The following METTL24 variants were observed in gnomAD, a reference collection of about 807,000 sequenced individuals.
METTL24 encodes methyltransferase like 24, also known as probable methyltransferase-like protein 24.
A neutral mutation model predicts 32.7 loss-of-function variants in METTL24; 29 were observed. The ratio of observed to expected loss-of-function variants is 0.89; its 90% confidence interval spans 0.66 to 1.21. The LOEUF is 1.21. Ranked by LOEUF, METTL24 falls within the 50% of genes most tolerant of loss-of-function variation. The pLI is 0.00. For synonymous variants in METTL24, 163 were observed against 179.5 expected, an observed-to-expected ratio of 0.91 and a Z score of 0.73; for missense variants, 439 against 468.1, an observed-to-expected ratio of 0.94 and a Z score of 0.57.
At chr6:110,347,172 G>T (rs953070421) in intron 1 of METTL24, among the ~76,000 whole-genome samples, 3 of 152,100 alleles carry the variant, frequency 2.0e-5, no homozygotes, top group Non-Finnish European at 4.4e-5. Flanking sequence ...AGAATTGGTT[G>T]TTAGCTCCCT....
intron 4 of METTL24, among the ~76,000 whole-genome samples, chr6:110,256,168 T>TAC (rs1029505214): frequency 7.2e-5 from 11 of 151,886 alleles, no homozygotes; most frequent in East Asian, 3.9e-4. Context: ...CACATGTGCA[T>TAC]ACACACACAC....
chr6:110,333,513 A>G (rs1772148827), intron 1 of METTL24, among the ~76,000 whole-genome samples: 1 of 152,108 alleles, frequency 6.6e-6, no homozygotes, highest in African/African-American at 2.4e-5. Context: ...GAGTGCAGTG[A>G]CATGATCTCG....
chr6:110,330,207 A>G (rs539311228), intron 1 of METTL24, among the ~76,000 whole-genome samples: 49 of 152,146 alleles, frequency 3.2e-4, no homozygotes, highest in African/African-American at 1.2e-3. Context: ...TCCCACTAAG[A>G]TGGTAGAAGC....
chr6:110,334,109 A>G (rs78106261), intron 1 of METTL24, among the ~76,000 whole-genome samples: 14,504 of 150,754 alleles, frequency 0.096, 2,320 homozygotes, highest in African/African-American at 0.33. Context: ...AAAACAGAGG[A>G]AAGGGGGGTC....
At chr6:110,315,865 C>G (rs936678183) in intron 2 of METTL24, among the ~76,000 whole-genome samples, 1 of 152,132 alleles carries the variant, frequency 6.6e-6, no homozygotes, top group Non-Finnish European at 1.5e-5. Flanking sequence ...AAGGGCAGTC[C>G]AGACACAGAG....
At chr6:110,258,789 T>TACACACACAC (rs146964745) in intron 4 of METTL24, among the ~76,000 whole-genome samples, 6 of 145,802 alleles carry the variant, frequency 4.1e-5, no homozygotes, top group Admixed American at 1.4e-4. Flanking sequence ...TAGATGCATT[T>TACACACACAC]ACACACACAC....
intron 1 of METTL24, among the ~76,000 whole-genome samples, chr6:110,342,272 G>A (rs1360904397): frequency 4.6e-5 from 7 of 152,138 alleles, no homozygotes; most frequent in South Asian, 2.1e-4. Context: ...TCTGCAATGC[G>A]TCTGCCATGC....
intron 1 of METTL24, among the ~76,000 whole-genome samples, chr6:110,343,408 C>T (rs1035450798): frequency 6.6e-6 from 1 of 152,212 alleles, no homozygotes; most frequent in Admixed American, 6.5e-5. Flanking sequence ...GGACAAGGCA[C>T]TGTGCTGAGC....
intron 4 of METTL24, among the ~76,000 whole-genome samples, chr6:110,259,049 T>C (rs1473629684): frequency 6.6e-6 from 1 of 152,108 alleles, no homozygotes; most frequent in East Asian, 1.9e-4. Context: ...GCGATGCAGA[T>C]GATGAATGAT....
At chr6:110,316,535 G>C (rs1335313851) in intron 2 of METTL24, among the ~76,000 whole-genome samples, 2 of 152,212 alleles carry the variant, frequency 1.3e-5, no homozygotes, top group East Asian at 3.8e-4. Context: ...CAGATGCAAA[G>C]AACGTTTTGA....
Position 110,261,340 on chromosome 6 carries a change from G to T in METTL24, c.787-15080C>A, listed in dbSNP as rs564134462. 1.2e-4 allele frequency among the ~76,000 whole-genome samples: 18 copies of T among 152,094 alleles called. No homozygotes were observed. The South Asian group carries it at 2.5e-3, about 21-fold the overall frequency. ...TCCTAGTCTCTGATAAAACAGACTT[G>T]AAACCAACAAAGATCAAAAGAGACA... On this transcript the variant is annotated intron_variant, in intron 4 of 4. Transcript: ENST00000338882.
chr6:110,325,022 A>G (rs9487379), intron 1 of METTL24, among the ~76,000 whole-genome samples: 6,415 of 152,270 alleles, frequency 0.042, 496 homozygotes, highest in African/African-American at 0.14. Flanking sequence ...TAAATTATCA[A>G]CACATTTAAA....
Position 110,299,113 on chromosome 6 carries a change from C to T in METTL24, c.595G>A (p.Ala199Thr). The change falls in exon 4 of 5, where the codon GCC becomes ACC. Residue 199 changes from alanine to threonine, a missense_variant. Coordinates refer to ENST00000338882, the MANE Select transcript of METTL24 (RefSeq NM_001123364.3). Reference sequence around the variant, plus strand: ...CGATGCACTTCACATCCGTTGTTGGCCATGCTAACCTCAAAATGGGTATCA... The same window carrying T: ...CGATGCACTTCACATCCGTTGTTGGTCATGCTAACCTCAAAATGGGTATCA... ...SDDTHFEVSM[A>T]NNGCEVHRFD... 1 of 1,614,060 alleles carries T rather than the reference C, an allele frequency of 6.2e-7. No homozygotes were observed. Among genetic ancestry groups the T allele is most frequent in the Non-Finnish European group, 8.5e-7 (1 of 1,180,000 alleles).
intron 4 of METTL24, among the ~76,000 whole-genome samples, chr6:110,284,569 C>G (rs1032154140): frequency 1.3e-5 from 2 of 151,868 alleles, no homozygotes; most frequent in African/African-American, 4.8e-5. Flanking sequence ...CTGATAATTA[C>G]TAGATCATGG....
chr6:110,344,861 C>G (rs1215200864), intron 1 of METTL24, among the ~76,000 whole-genome samples: 2 of 152,180 alleles, frequency 1.3e-5, no homozygotes, highest in Non-Finnish European at 2.9e-5. Context: ...ATCCTGGACA[C>G]AGGAACGAGC....
chr6:110,309,866 A>AAAAAAC (rs1554214952), intron 3 of METTL24, among the ~76,000 whole-genome samples: 97 of 152,142 alleles, frequency 6.4e-4, no homozygotes, highest in African/African-American at 2.2e-3. Context: ...TAGGAGCAAA[A>AAAAAAC]AAAACAAAAC....
intron 3 of METTL24, among the ~76,000 whole-genome samples, chr6:110,306,529 A>T (rs774455191): frequency 5.9e-5 from 9 of 151,962 alleles, no homozygotes; most frequent in Non-Finnish European, 1.2e-4. Context: ...AATAGTGGGA[A>T]ACTTTTATAT....
chr6:110,296,303 A>G (rs1771418751), intron 4 of METTL24, among the ~76,000 whole-genome samples: 1 of 152,252 alleles, frequency 6.6e-6, no homozygotes, highest in Non-Finnish European at 1.5e-5. Flanking sequence ...TTCAGATTCA[A>G]TATTTCTAGT....
chr6:110,272,713 T>C (rs1310115923), intron 4 of METTL24, among the ~76,000 whole-genome samples: 1 of 152,238 alleles, frequency 6.6e-6, no homozygotes, highest in African/African-American at 2.4e-5. Context: ...ATTTCCCTGA[T>C]AATTAGTGTT....
Sources: allele counts gnomAD v4.1 joint callset (sites outside exome capture counted in the v4.1 genomes callset), GRCh38; gene constraint gnomAD v4.1.1; transcripts MANE v1.5; gene names NCBI Gene and HGNC (gene_info 2026-07-23, HGNC 2026-07-21).